The following SUGCT variants were observed in gnomAD, a reference collection of about 807,000 sequenced individuals.
The protein encoded by SUGCT is succinyl-CoA:glutarate CoA-transferase.
In SUGCT, 41 loss-of-function variants were observed where a neutral mutation model predicts 55.0. The ratio of observed to expected loss-of-function variants is 0.74; its 90% CI spans 0.58 to 0.97. SUGCT has a LOEUF of 0.97. SUGCT is among the 50% of genes least tolerant of loss of function. The probability of loss-of-function intolerance (pLI) is 0.00; values close to 1 mark genes in which losing one functional copy is unlikely to be tolerated. For missense variants in SUGCT, 568 were observed against 547.8 expected, an observed-to-expected ratio of 1.04 and a Z score of -0.37; for synonymous variants, 187 against 200.4, an observed-to-expected ratio of 0.93 and a Z score of 0.56.
intron 9 of SUGCT, among the ~76,000 whole-genome samples, chr7:40,392,697 G>A (rs1454029078): frequency 2.0e-5 from 3 of 152,160 alleles, no homozygotes; most frequent in African/African-American, 7.2e-5. Context: ...TCTTGAATGG[G>A]TGAGGAGATG....
the SUGCT span, among the ~76,000 whole-genome samples, chr7:40,970,177 CT>C: frequency 2.7e-5 from 4 of 149,580 alleles, no homozygotes; most frequent in South Asian, 2.1e-4. Flanking sequence ...TTTTGTTTTT[CT>C]TTTTTTTTTC....
At chr7:40,764,712 C>T (rs1788694208) in intron 13 of SUGCT, among the ~76,000 whole-genome samples, 1 of 152,296 alleles carries the variant, frequency 6.6e-6, no homozygotes, top group African/African-American at 2.4e-5. Flanking sequence ...GGCTGTTTTA[C>T]TGCATTGAAC....
At chr7:40,580,924 T>C (rs1246831687) in intron 12 of SUGCT, among the ~76,000 whole-genome samples, 4 of 152,216 alleles carry the variant, frequency 2.6e-5, no homozygotes, top group Admixed American at 6.5e-5. Context: ...TTTGTGTAAG[T>C]GCAGTCTATG....
intron 9 of SUGCT, among the ~76,000 whole-genome samples, chr7:40,375,615 G>A (rs1215116045): frequency 6.6e-6 from 1 of 152,046 alleles, no homozygotes; most frequent in Non-Finnish European, 1.5e-5. Flanking sequence ...TCCCTCATTT[G>A]AGAGATTGTC....
intron 12 of SUGCT, among the ~76,000 whole-genome samples, chr7:40,743,961 G>A (rs574950639): frequency 4.0e-5 from 6 of 151,800 alleles, no homozygotes; most frequent in South Asian, 4.2e-4. Context: ...TTGCTCTGTC[G>A]CCCAGGCTGG....
intron 12 of SUGCT, among the ~76,000 whole-genome samples, chr7:40,736,756 GA>G (rs564286599): frequency 6.6e-6 from 1 of 150,794 alleles, no homozygotes; most frequent in African/African-American, 2.4e-5. Flanking sequence ...TTAGAAGAAA[GA>G]AAAAAAATAA....
chr7:40,891,445 T>G, the SUGCT span, among the ~76,000 whole-genome samples: 1 of 152,154 alleles, frequency 6.6e-6, no homozygotes, highest in African/African-American at 2.4e-5. Context: ...GGGAATCCTC[T>G]TCAGACTATC....
At chr7:40,347,914 T>C (rs943334786) in intron 9 of SUGCT, among the ~76,000 whole-genome samples, 5 of 152,238 alleles carry the variant, frequency 3.3e-5, no homozygotes, top group Admixed American at 3.3e-4. Context: ...CTAGAGTGAA[T>C]GTAAAAATTA....
chr7:40,432,031 G>C (rs1012596298), intron 9 of SUGCT, among the ~76,000 whole-genome samples: 18 of 152,006 alleles, frequency 1.2e-4, no homozygotes, highest in African/African-American at 4.3e-4. Context: ...TTTCTTGTCT[G>C]ACTGTTTTTT....
chr7:40,812,515 G>A (rs890348836), intron 13 of SUGCT, among the ~76,000 whole-genome samples: 2 of 152,034 alleles, frequency 1.3e-5, no homozygotes, highest in African/African-American at 4.8e-5. Flanking sequence ...CACGCATAGA[G>A]GTGTGCATAT....
At chr7:40,276,105 A>G (rs1230030960) in intron 8 of SUGCT, among the ~76,000 whole-genome samples, 1 of 152,208 alleles carries the variant, frequency 6.6e-6, no homozygotes, top group African/African-American at 2.4e-5. Flanking sequence ...AGAAATAAAA[A>G]ACATCAATAT....
intron 7 of SUGCT, among the ~76,000 whole-genome samples, chr7:40,264,264 T>C (rs1791412209): frequency 6.6e-6 from 1 of 152,176 alleles, no homozygotes; most frequent in South Asian, 2.1e-4. Flanking sequence ...ATAGTGTTAC[T>C]GAGGTACATA....
At chr7:40,974,729 C>A in the SUGCT span, among the ~76,000 whole-genome samples, 1 of 152,308 alleles carries the variant, frequency 6.6e-6, no homozygotes, top group African/African-American at 2.4e-5. Context: ...TAGCATTTCA[C>A]CCTCACTGAT....
chr7:40,923,406 T>C, the SUGCT span, among the ~76,000 whole-genome samples: 1 of 152,232 alleles, frequency 6.6e-6, no homozygotes. Context: ...ATAGTGATTT[T>C]TGGCTTGGTC....
chr7:40,854,400 TTTCTTTCTTTCTTTCTTTCC>T (rs1452567286), intron 13 of SUGCT, among the ~76,000 whole-genome samples: 12 of 93,106 alleles, frequency 1.3e-4, no homozygotes, highest in Middle Eastern at 5.7e-3. Flanking sequence ...AATTTTTTTC[TTTCTTTCTTTCTTTCTTTCC>T]TTTCTTTCTT....
chr7:40,323,346 G>A (rs938921435), intron 9 of SUGCT, among the ~76,000 whole-genome samples: 1 of 152,114 alleles, frequency 6.6e-6, no homozygotes, highest in Non-Finnish European at 1.5e-5. Flanking sequence ...TCTGTTTCAA[G>A]GTGATGTTGA....
At chr7:40,726,210 T>C (rs946266738) in intron 12 of SUGCT, among the ~76,000 whole-genome samples, 3 of 152,154 alleles carry the variant, frequency 2.0e-5, no homozygotes, top group Non-Finnish European at 4.4e-5. Flanking sequence ...TAGCCTACCA[T>C]TGACTGGAAG....
At chr7:40,697,957 A>G (rs1340305312) in intron 12 of SUGCT, among the ~76,000 whole-genome samples, 2 of 152,228 alleles carry the variant, frequency 1.3e-5, no homozygotes, top group Non-Finnish European at 2.9e-5. Flanking sequence ...GATGTGATAC[A>G]TGCTGTGCTT....
chr7:40,305,627 T>C (rs1794810858), intron 8 of SUGCT, among the ~76,000 whole-genome samples: 1 of 152,138 alleles, frequency 6.6e-6, no homozygotes. Flanking sequence ...CAATTATTCT[T>C]TTCTCTTGTA....
Sources: gnomAD v4.1 joint callset for allele counts (sites outside exome capture counted in the v4.1 genomes callset) on GRCh38, gnomAD v4.1.1 for gene constraint, MANE v1.5 for transcripts, NCBI Gene and HGNC (gene_info 2026-07-23, HGNC 2026-07-21) for gene names.